The following PSMF1 variants were observed in gnomAD, a reference collection of about 807,000 sequenced individuals.
The protein encoded by PSMF1 is proteasome inhibitor subunit 1, also known as proteasome inhibitor PI31 subunit.
Under a neutral mutation model 29.3 loss-of-function variants are expected in PSMF1, and 30 were observed. The observed-to-expected ratio is 1.02, with a 90% CI of 0.77 to 1.39. The LOEUF is 1.39. PSMF1 is among the 40% of genes most tolerant of loss of function. The probability of loss-of-function intolerance (pLI) is 0.00; values close to 1 mark genes in which losing one functional copy is unlikely to be tolerated. For missense variants in PSMF1, 344 were observed against 357.5 expected (o/e 0.96, Z 0.31); for synonymous variants, 134 against 139.7 (o/e 0.96, Z 0.29).
At chr20:1,142,737 G>A (rs954421079) in intron 4 of PSMF1, among the ~76,000 whole-genome samples, 5 of 152,186 alleles carry the variant, frequency 3.3e-5, no homozygotes, top group African/African-American at 1.2e-4. Context: ...ACATATATGT[G>A]CATGTGTCTT....
chr20:1,164,312 C>T lies in PSMF1; in HGVS notation c.606-6C>T. On this transcript the variant is annotated splice_polypyrimidine_tract_variant and splice_region_variant and intron_variant, in intron 5 of 6. Coordinates refer to ENST00000335877, the MANE Select transcript of PSMF1 (RefSeq NM_006814.5). The surrounding 1 kb of genome is among the most constrained non-coding windows in gnomAD (Gnocchi z 4.1). ...CCTGCTTACCTAACTTTTCTTCTTG[C>T]CTCAGGCCTCGGAGAGGTGGCATGA... The T allele has an allele frequency of 1.9e-6, 3 of 1,612,636 alleles. No individual in the cohort carries two copies. The highest frequency in any genetic ancestry group is 1.7e-6 in the Non-Finnish European group (2 of 1,178,624).
chr20:1,161,177 C>A, intron 4 of PSMF1: 1 of 332,694 alleles, frequency 3.0e-6, no homozygotes. Flanking sequence ...GCTTCCCTAC[C>A]ACAGCCAAGC....
chr20:1,143,003 AG>A lies in PSMF1; in HGVS notation c.551+7698del, dbSNP rs368837731. On this transcript the variant is annotated intron_variant, in intron 4 of 6. Coordinates refer to ENST00000335877, the MANE Select transcript of PSMF1 (RefSeq NM_006814.5). ...AAATGCTAGTGAAAGAAATCAAAGA[AG>A]ATCTAAATAAATGGAGAGACATAAC... 5.2e-3 allele frequency among the ~76,000 whole-genome samples: 797 copies of A among 152,372 alleles called. 2 individuals are homozygous for A. The highest frequency in any genetic ancestry group is 0.031 in the Middle Eastern group (9 of 294).
At chr20:1,161,262 A>G (rs554352459) in intron 4 of PSMF1, 86 of 321,568 alleles carry the variant, frequency 2.7e-4, no homozygotes, top group Non-Finnish European at 9.6e-5. Context: ...GGCCACCGCT[A>G]TGTCATCCTT....
At chr20:1,125,458 G>T (rs1366048191) in intron 1 of PSMF1, 40 bp from the exon 2 acceptor site, 35 of 1,555,588 alleles carry the variant, frequency 2.2e-5, no homozygotes, top group Non-Finnish European at 2.5e-5. Flanking sequence ...TCTGTGTTTT[G>T]AGTTCATGAT....
At chr20:1,155,427 C>A (rs1317268052) in intron 4 of PSMF1, among the ~76,000 whole-genome samples, 1 of 152,128 alleles carries the variant, frequency 6.6e-6, no homozygotes, top group Non-Finnish European at 1.5e-5. Flanking sequence ...CTTTTTTCTT[C>A]CCTTTGTCCT....
intron 4 of PSMF1, chr20:1,161,121 C>A: frequency 2.3e-6 from 1 of 440,226 alleles, no homozygotes; most frequent in Middle Eastern, 4.2e-4. Context: ...ACCTGGCTGG[C>A]CAGGACCTGA....
At position 1,118,623 on chromosome 20, in the gene PSMF1, C is replaced by T. The variant is rs2086037707; in HGVS notation, c.-151C>T. On this transcript the variant is annotated 5_prime_UTR_variant, in exon 1 of 7. Transcript: ENST00000335877. ...TTCCGGCTTCCCCGCCCCGCCCCGT[C>T]CCCGGGCGTCTCCATTTTGGTCTCA... is the stretch of plus-strand genomic sequence containing the variant. The T allele has an allele frequency of 1.1e-6, 1 of 942,540 alleles. No individual in the cohort carries two copies. The highest frequency in any genetic ancestry group is 1.5e-6 in the Non-Finnish European group (1 of 665,756). The allele number at this position is 942,540 out of a possible 1,614,324, so 58.4% of individuals were successfully genotyped here.
chr20:1,144,374 T>TA (rs1210318364), intron 4 of PSMF1, among the ~76,000 whole-genome samples: 1 of 152,232 alleles, frequency 6.6e-6, no homozygotes, highest in Non-Finnish European at 1.5e-5. Context: ...GGCAGTTTCT[T>TA]AAAAAACTAA....
In PSMF1 at chr20:1,134,759, C is replaced by T. The variant is rs545810839; in HGVS notation, c.366-362C>T. 1,618 of 347,458 alleles carry T rather than the reference C, an allele frequency of 4.7e-3. 11 individuals carry two copies. In the Middle Eastern group the frequency reaches 0.063, roughly 14 times the overall value. The allele number at this position is 347,458 out of a possible 1,614,324, so 21.5% of individuals were successfully genotyped here. A position where few individuals can be genotyped will look rare whatever the true frequency, so the allele number is the denominator to read the frequency against. On this transcript the variant is annotated intron_variant, in intron 3 of 6. Coordinates refer to ENST00000335877, the MANE Select transcript of PSMF1 (RefSeq NM_006814.5). ...CCATGGAGCCTTTGCCTTCCATGAC[C>T]CTTCCCATGACACGTGATGAACACA...
At chr20:1,116,076 G>C (rs1251887452), upstream of PSMF1, among the ~76,000 whole-genome samples, 1 of 151,442 alleles carries the variant, frequency 6.6e-6, no homozygotes, top group Non-Finnish European at 1.5e-5. Flanking sequence ...GCTCTATAGG[G>C]ACAGGAACCT....
At chr20:1,116,943 C>T (rs544288811), upstream of PSMF1, among the ~76,000 whole-genome samples, 4 of 152,192 alleles carry the variant, frequency 2.6e-5, no homozygotes, top group South Asian at 2.1e-4. Flanking sequence ...GGAAGAGGAA[C>T]GCAAAGGCCC....
intron 4 of PSMF1, among the ~76,000 whole-genome samples, chr20:1,154,637 G>A (rs1197817812): frequency 4.6e-5 from 7 of 152,262 alleles, no homozygotes; most frequent in African/African-American, 1.4e-4. Context: ...AGCTTACCTG[G>A]GAGCTTGTGA....
chr20:1,129,456 A>G (rs950413250), intron 3 of PSMF1, among the ~76,000 whole-genome samples: 5 of 152,130 alleles, frequency 3.3e-5, no homozygotes, highest in Non-Finnish European at 4.4e-5. Flanking sequence ...TGGCCTCCAC[A>G]TTCTGGCCAC....
Position 1,118,832 on chromosome 20 carries a change from A to T in PSMF1, c.59A>T (p.Asp20Val). The T allele has an allele frequency of 1.2e-6, 2 of 1,613,716 alleles. No individual in the cohort carries two copies. The highest frequency in any genetic ancestry group is 8.5e-7 in the Non-Finnish European group (1 of 1,179,674). The change falls in exon 1 of 7, where the codon GAC becomes GTC. Residue 20 changes from aspartate (D) to valine (V), a missense_variant. By Grantham distance (152) the Asp-to-Val change is radical. Transcript: ENST00000335877. ...GCGCCGGCCATCACCTGCAGGCAGGACGCGCTCGTCTGCTTCTTGCATTGG... is the reference window on the plus strand; with the variant it reads ...GCGCCGGCCATCACCTGCAGGCAGGTCGCGCTCGTCTGCTTCTTGCATTGG... The part of the protein sequence containing the change: ...SAAPAITCRQ[D>V]ALVCFLHWEV...
At chr20:1,120,846 G>A (rs146394489) in intron 1 of PSMF1, among the ~76,000 whole-genome samples, 1 of 152,226 alleles carries the variant, frequency 6.6e-6, no homozygotes, top group Non-Finnish European at 1.5e-5. Context: ...CTTAGACTCT[G>A]CCACACTGTC....
chr20:1,118,771 C>G lies in PSMF1; in HGVS notation c.-3C>G. On this transcript the variant is annotated 5_prime_UTR_variant, in exon 1 of 7. Transcript: ENST00000335877. ...CCTCCAGACGCCGAAGTCGCGGGCGCTCATGGCGGGCCTGGAGGTACTGTT... is the reference window on the plus strand; with the variant it reads ...CCTCCAGACGCCGAAGTCGCGGGCGGTCATGGCGGGCCTGGAGGTACTGTT... The G allele has an allele frequency of 6.2e-7, 1 of 1,610,680 alleles. No homozygotes were observed. Among genetic ancestry groups the G allele is most frequent in the Non-Finnish European group, 8.5e-7 (1 of 1,177,844 alleles).
upstream of PSMF1, among the ~76,000 whole-genome samples, chr20:1,115,226 T>G (rs544130924): frequency 2.1e-4 from 23 of 107,286 alleles, no homozygotes; most frequent in East Asian, 3.9e-3. Context: ...CTGTCTGCCC[T>G]GTAAGATGCC....
chr20:1,120,328 G>A (rs1953656959), intron 1 of PSMF1, among the ~76,000 whole-genome samples: 1 of 152,168 alleles, frequency 6.6e-6, no homozygotes, highest in South Asian at 2.1e-4. Flanking sequence ...TATGAGGATG[G>A]AAAAGAACAG....
Sources: allele counts gnomAD v4.1 joint callset (sites outside exome capture counted in the v4.1 genomes callset), GRCh38; gene constraint gnomAD v4.1.1; non-coding constraint Gnocchi (gnomAD v3.1); transcripts MANE v1.5; gene names NCBI Gene and HGNC (gene_info 2026-07-23, HGNC 2026-07-21).